The following PDE5A variants were observed in gnomAD, a reference collection of about 807,000 sequenced individuals.
PDE5A encodes the protein cGMP-specific 3',5'-cyclic phosphodiesterase.
Under a neutral mutation model 110.2 loss-of-function variants are expected in PDE5A, and 67 were observed. That is an observed-to-expected ratio of 0.61 (90% CI 0.50 to 0.75). The LOEUF is 0.75. Among genes scored for constraint, PDE5A ranks in the 30% least tolerant of loss-of-function variants. The pLI is 0.00. For missense variants in PDE5A, 862 were observed against 1,045.1 expected (o/e 0.82, Z 2.42); for synonymous variants, 328 against 351.2 (o/e 0.93, Z 0.74).
intron 14 of PDE5A, among the ~76,000 whole-genome samples, chr4:119,515,701 A>G (rs1725886431): frequency 6.6e-6 from 1 of 152,030 alleles, no homozygotes; most frequent in Non-Finnish European, 1.5e-5. Flanking sequence ...GCTTATATAT[A>G]ACTAGCTGCT....
At chr4:119,555,050 C>G (rs150910915) in intron 7 of PDE5A, among the ~76,000 whole-genome samples, 4 of 152,182 alleles carry the variant, frequency 2.6e-5, no homozygotes, top group Admixed American at 2.0e-4. Flanking sequence ...CCCAACCTGA[C>G]CCAGCTGCTT....
At chr4:119,609,035 G>C (rs1002963122) in intron 1 of PDE5A, among the ~76,000 whole-genome samples, 1 of 151,986 alleles carries the variant, frequency 6.6e-6, no homozygotes, top group South Asian at 2.1e-4. Context: ...GGTGGCGGGC[G>C]CCTGTAGTCC....
At chr4:119,600,673 T>C (rs373811151) in intron 2 of PDE5A, among the ~76,000 whole-genome samples, 4 of 152,218 alleles carry the variant, frequency 2.6e-5, no homozygotes, top group African/African-American at 9.6e-5. Context: ...GAGAACATAA[T>C]TGACTAAATA....
chr4:119,517,093 A>C (rs1045892341), intron 14 of PDE5A: 3 of 152,244 alleles, frequency 2.0e-5, no homozygotes, highest in Non-Finnish European at 4.4e-5. Flanking sequence ...TTGGAGAAAT[A>C]TCTTCTTCCA....
chr4:119,568,702 T>TC (rs1728034834), intron 3 of PDE5A, among the ~76,000 whole-genome samples: 1 of 152,152 alleles, frequency 6.6e-6, no homozygotes, highest in Admixed American at 6.6e-5. Flanking sequence ...AAATTTTTTT[T>TC]CTCTAATAAA....
At chr4:119,539,590 T>C (rs1309836188) in intron 10 of PDE5A, among the ~76,000 whole-genome samples, 1 of 151,676 alleles carries the variant, frequency 6.6e-6, no homozygotes, top group Non-Finnish European at 1.5e-5. Flanking sequence ...GAGAAGAGAG[T>C]AGTGCTGGCC....
Position 119,627,727 on chromosome 4 carries a change from T to A in PDE5A, c.152+793A>T. On this transcript the variant is annotated intron_variant, in intron 1 of 20. Coordinates refer to ENST00000354960, the MANE Select transcript of PDE5A (RefSeq NM_001083.4). The surrounding 1 kb of genome is among the most constrained non-coding windows in gnomAD (Gnocchi z 4.6). ...CCCGACTGCCCGCTGCGCAGCCGCC[T>A]CCAAAAGGACAGGCTCCCTCCTCCC... 6.5e-6 allele frequency: 1 copy of A among 153,602 alleles called. No homozygotes were observed. Among genetic ancestry groups the A allele is most frequent in the Non-Finnish European group, 1.4e-5 (1 of 69,270 alleles). The allele number at this position is 153,602 out of a possible 1,614,324, so 9.5% of individuals were successfully genotyped here. A position where few individuals can be genotyped will look rare whatever the true frequency, so the allele number is the denominator to read the frequency against.
In PDE5A at chr4:119,546,825, A is replaced by G. The variant is rs576890615; in HGVS notation, c.1397-4191T>C. Among the ~76,000 whole-genome samples the G allele has an allele frequency of 3.3e-5, 5 of 152,178 alleles. No homozygotes were observed. In the South Asian group the frequency reaches 1.0e-3, roughly 32 times the overall value. ...ATGACATATATTTCTGGCCAAGTTT[A>G]TTCTTTGTTACTGTAGTAAATGGTT... On this transcript the variant is annotated intron_variant, in intron 9 of 20. Transcript: ENST00000354960.
At chr4:119,527,630 T>C (rs1263143955) in intron 11 of PDE5A, among the ~76,000 whole-genome samples, 1 of 152,194 alleles carries the variant, frequency 6.6e-6, no homozygotes, top group Non-Finnish European at 1.5e-5. Context: ...GAATAAAGTA[T>C]GTGGTATTTC....
At chr4:119,566,200 A>T (rs1727927707) in intron 4 of PDE5A, among the ~76,000 whole-genome samples, 1 of 152,084 alleles carries the variant, frequency 6.6e-6, no homozygotes, top group African/African-American at 2.4e-5. Context: ...CTATTACTCG[A>T]TTTAAAAAGT....
chr4:119,600,203 G>GAA (rs1560635303), intron 2 of PDE5A, among the ~76,000 whole-genome samples: 1 of 149,586 alleles, frequency 6.7e-6, no homozygotes, highest in East Asian at 1.9e-4. Context: ...TATATAAAAA[G>GAA]AGTAAGGAAG....
intron 19 of PDE5A, 175 bp downstream of exon 19, chr4:119,502,402 TTTTA>T (rs1725380259): frequency 2.1e-6 from 1 of 474,472 alleles, no homozygotes; most frequent in Non-Finnish European, 3.7e-6. Flanking sequence ...TTATTATGCC[TTTTA>T]TTGGTTTTGC....
In PDE5A at chr4:119,627,419, C is replaced by T. The variant is rs2110573638; in HGVS notation, c.152+1101G>A. ...CGGCGAGTGGGACCCGGGCGTCGAACCCGGGCGGGCTCCTCGACCATCACT... is the reference window on the plus strand; with the variant it reads ...CGGCGAGTGGGACCCGGGCGTCGAATCCGGGCGGGCTCCTCGACCATCACT... On this transcript the variant is annotated intron_variant, in intron 1 of 20. Transcript: ENST00000354960. The surrounding 1 kb of genome is among the most constrained non-coding windows in gnomAD (Gnocchi z 4.6). The T allele has an allele frequency of 2.2e-6, 1 of 449,554 alleles. No individual in the cohort carries two copies. The highest frequency in any genetic ancestry group is 1.6e-4 in the East Asian group (1 of 6,446). 27.8% of individuals were successfully genotyped at this position (449,554 alleles called of 1,614,324 possible). A position where few individuals can be genotyped will look rare whatever the true frequency, so the allele number is the denominator to read the frequency against.
At chr4:119,587,672 C>G (rs934922732) in intron 3 of PDE5A, among the ~76,000 whole-genome samples, 1 of 152,200 alleles carries the variant, frequency 6.6e-6, no homozygotes, top group Non-Finnish European at 1.5e-5. Flanking sequence ...GTGTGAGCCA[C>G]CATGCCTGGC....
chr4:119,624,114 A>G (rs755951794), intron 1 of PDE5A, among the ~76,000 whole-genome samples: 3 of 152,180 alleles, frequency 2.0e-5, no homozygotes, highest in South Asian at 4.1e-4. Flanking sequence ...AACATAAGAA[A>G]AAAAGGCCAT....
chr4:119,511,041 A>T lies in PDE5A; in HGVS notation c.2088+6T>A. The T allele has an allele frequency of 6.8e-7, 1 of 1,474,326 alleles. No individual in the cohort carries two copies. Among genetic ancestry groups the T allele is most frequent in the South Asian group, 1.2e-5 (1 of 81,186 alleles). The allele number at this position is 1,474,326 out of a possible 1,614,324, so 91.3% of individuals were successfully genotyped here. On this transcript the variant is annotated splice_donor_region_variant and intron_variant, in intron 15 of 20. Coordinates refer to ENST00000354960, the MANE Select transcript of PDE5A (RefSeq NM_001083.4). ...AAAATTCCACAACAATAAATTAGGT[A>T]CTTACTGGACTATTAAGAATCATCA...
chr4:119,543,041 A>AACACAC (rs1343631566), intron 9 of PDE5A: 8 of 30,922 alleles, frequency 2.6e-4, no homozygotes, highest in Non-Finnish European at 4.7e-4. Context: ...CCAGAAGTTA[A>AACACAC]ACATACACAC....
At chr4:119,620,907 A>T (rs1730120801) in intron 1 of PDE5A, among the ~76,000 whole-genome samples, 1 of 152,222 alleles carries the variant, frequency 6.6e-6, no homozygotes, top group Non-Finnish European at 1.5e-5. Context: ...AGAGAGACCC[A>T]GTGGGAGAAG....
chr4:119,595,978 G>A (rs1462798247), intron 3 of PDE5A, among the ~76,000 whole-genome samples: 1 of 152,070 alleles, frequency 6.6e-6, no homozygotes, highest in Admixed American at 6.5e-5. Context: ...TTCCAAATAA[G>A]TGTAAAATGA....
Sources: allele counts gnomAD v4.1 joint callset (sites outside exome capture counted in the v4.1 genomes callset), GRCh38; gene constraint gnomAD v4.1.1; non-coding constraint Gnocchi (gnomAD v3.1); transcripts MANE v1.5; gene names NCBI Gene and HGNC (gene_info 2026-07-23, HGNC 2026-07-21).